The following PPP1R3A variants were observed in gnomAD, a reference collection of about 807,000 sequenced individuals.
PPP1R3A encodes RG1.
A neutral mutation model predicts 41.7 loss-of-function variants in PPP1R3A; 29 were observed. That is an observed-to-expected ratio of 0.70 (90% CI 0.52 to 0.95). The LOEUF (loss-of-function observed/expected upper bound fraction) is 0.95, where lower values mean the gene tolerates loss of function less well. PPP1R3A is among the 40% of genes least tolerant of loss of function. The pLI is 0.00. For missense variants in PPP1R3A, 1,352 were observed against 1,292.4 expected (o/e 1.05, Z -0.71); for synonymous variants, 485 against 453.4 (o/e 1.07, Z -0.89).
chr7:113,883,059 T>C (rs1321761827), intron 1 of PPP1R3A, among the ~76,000 whole-genome samples: 2 of 152,134 alleles, frequency 1.3e-5, no homozygotes, highest in African/African-American at 2.4e-5. Context: ...GACAAATACC[T>C]TTTTCCTTCA....
At chr7:113,900,703 T>C (rs746820732) in intron 1 of PPP1R3A, among the ~76,000 whole-genome samples, 5 of 148,516 alleles carry the variant, frequency 3.4e-5, no homozygotes, top group Non-Finnish European at 7.4e-5. Flanking sequence ...GTGATTTATA[T>C]ATATACAGTG....
chr7:113,906,155 C>G (rs926337427), intron 1 of PPP1R3A, among the ~76,000 whole-genome samples: 1 of 151,738 alleles, frequency 6.6e-6, no homozygotes. Flanking sequence ...CTGAAAGAAA[C>G]CATCTAAATT....
At chr7:113,894,625 GT>G (rs552969983) in intron 1 of PPP1R3A, among the ~76,000 whole-genome samples, 2 of 151,340 alleles carry the variant, frequency 1.3e-5, no homozygotes, top group Non-Finnish European at 3.0e-5. Context: ...TGTCATGTGT[GT>G]TTTTTTTCCT....
intron 1 of PPP1R3A, among the ~76,000 whole-genome samples, chr7:113,891,511 C>A (rs1796888190): frequency 6.6e-6 from 1 of 152,066 alleles, no homozygotes; most frequent in African/African-American, 2.4e-5. Context: ...TAAATATACC[C>A]TTATTATCAG....
chr7:113,906,520 G>C (rs922174926), intron 1 of PPP1R3A, among the ~76,000 whole-genome samples: 3 of 151,610 alleles, frequency 2.0e-5, no homozygotes, highest in Non-Finnish European at 4.4e-5. Context: ...AGGATTGGGG[G>C]ATAAATGTAA....
intron 1 of PPP1R3A, among the ~76,000 whole-genome samples, chr7:113,884,625 T>C (rs1303353150): frequency 1.3e-5 from 2 of 151,924 alleles, no homozygotes; most frequent in Non-Finnish European, 2.9e-5. Flanking sequence ...TATGTGAATA[T>C]CTTCTGGGCC....
intron 3 of PPP1R3A, among the ~76,000 whole-genome samples, chr7:113,881,635 T>A (rs1468430509): frequency 6.6e-6 from 1 of 152,046 alleles, no homozygotes; most frequent in Non-Finnish European, 1.5e-5. Context: ...TGCTGTTACA[T>A]GTGAGAATCA....
At position 113,879,257 on chromosome 7, in the gene PPP1R3A, C is replaced by T. The variant is rs76910192; in HGVS notation, c.1835G>A (p.Gly612Glu). 1.7e-3 allele frequency: 2,687 copies of T among 1,613,576 alleles called. 33 individuals carry two copies. In the African/African-American group the frequency reaches 0.025, roughly 15 times the overall value. Residue 612 changes from glycine (G) to glutamate (E), a missense_variant, in exon 4 of 4, where the codon GGG (glycine) becomes GAG (glutamate). Gly to Glu is a moderately conservative substitution (Grantham distance 98). Transcript: ENST00000284601. ...TGATGAACAAACTTGACCAGTTATC[C>T]CTCCTAAAGCGCTGCCTTCACTAGT... ...HLTSEGSALG[G>E]ITGQVCSSRT...
Position 113,882,023 on chromosome 7 carries a change from C to T in PPP1R3A, c.966+16G>A. 6.2e-7 allele frequency: 1 copy of T among 1,611,746 alleles called. No homozygotes were observed. Among genetic ancestry groups the T allele is most frequent in the South Asian group, 1.1e-5 (1 of 91,000 alleles). Reference sequence around the variant, plus strand: ...GGATTCATCTTCTCTAATACCGTGGCAACCAGAACACTTACCATCAACTCT... The same window carrying T: ...GGATTCATCTTCTCTAATACCGTGGTAACCAGAACACTTACCATCAACTCT... On this transcript the variant is annotated intron_variant, in intron 3 of 3. Coordinates refer to ENST00000284601, the MANE Select transcript of PPP1R3A (RefSeq NM_002711.4).
At chr7:113,880,997 T>A (rs564692250) in intron 3 of PPP1R3A, among the ~76,000 whole-genome samples, 10 of 152,050 alleles carry the variant, frequency 6.6e-5, no homozygotes, top group Non-Finnish European at 1.5e-4. Context: ...CTAAACAAAC[T>A]TTTATATTTG....
intron 3 of PPP1R3A, among the ~76,000 whole-genome samples, chr7:113,881,437 A>T (rs1327187966): frequency 6.6e-6 from 1 of 152,030 alleles, no homozygotes; most frequent in African/African-American, 2.4e-5. Flanking sequence ...CCCCCAAAAA[A>T]TTCCAAATAG....
At chr7:113,895,844 AT>A (rs1394150776) in intron 1 of PPP1R3A, among the ~76,000 whole-genome samples, 1 of 151,950 alleles carries the variant, frequency 6.6e-6, no homozygotes, top group Non-Finnish European at 1.5e-5. Flanking sequence ...TTAAAGCATT[AT>A]TTCTAAATTT....
At chr7:113,885,642 G>A (rs1250097295) in intron 1 of PPP1R3A, among the ~76,000 whole-genome samples, 1 of 151,492 alleles carries the variant, frequency 6.6e-6, no homozygotes, top group Non-Finnish European at 1.5e-5. Flanking sequence ...TCACAAAAAG[G>A]AATATTATAC....
rs1002722930 is a variant in PPP1R3A at position 113,879,030 on chromosome 7, T to C, written c.2062A>G (p.Lys688Glu). 4 of 1,613,532 alleles carry C rather than the reference T, an allele frequency of 2.5e-6. No individual in the cohort carries two copies. Among genetic ancestry groups the C allele is most frequent in the Non-Finnish European group, 3.4e-6 (4 of 1,179,806 alleles). Residue 688 changes from lysine to glutamate, a missense_variant, in exon 4 of 4, where the codon AAA becomes GAA. By Grantham distance (56) the Lys-to-Glu change is moderately conservative (BLOSUM62 1). Coordinates refer to ENST00000284601, the MANE Select transcript of PPP1R3A (RefSeq NM_002711.4). ...GQTDCEDVWGKRDNTRSLKAT... is the reference protein window; with the variant it reads ...GQTDCEDVWGERDNTRSLKAT... ...TTCAAACTCCTCGTATTATCTCTTTTTCCCCACACGTCTTCACAATCTGTT... is the reference window on the plus strand; with the variant it reads ...TTCAAACTCCTCGTATTATCTCTTTCTCCCCACACGTCTTCACAATCTGTT...
At chr7:113,913,813 T>C (rs987816471) in intron 1 of PPP1R3A, among the ~76,000 whole-genome samples, 14 of 152,130 alleles carry the variant, frequency 9.2e-5, no homozygotes, top group Non-Finnish European at 1.6e-4. Flanking sequence ...TTTCATTTTT[T>C]ATCTATGGCT....
intron 1 of PPP1R3A, among the ~76,000 whole-genome samples, chr7:113,912,460 T>C (rs114709419): frequency 6.5e-4 from 99 of 152,104 alleles, no homozygotes; most frequent in African/African-American, 2.3e-3. Flanking sequence ...ATATGTAAAT[T>C]TTAGGCAAGG....
At chr7:113,893,558 G>T (rs554527126) in intron 1 of PPP1R3A, among the ~76,000 whole-genome samples, 2 of 151,778 alleles carry the variant, frequency 1.3e-5, no homozygotes, top group African/African-American at 4.8e-5. Context: ...AAAATACATC[G>T]AATATACCTA....
rs1183500270 is a variant in PPP1R3A, at chr7:113,918,572, A to T, written c.425T>A (p.Ile142Asn). ...STESLLGSTS[I>N]KGIIRVLNVS... ...ATTCAAAACTCGAATAATACCCTTG[A>T]TACTTGTAGACCCAAGAAGAGACTC... is the stretch of plus-strand genomic sequence containing the variant. The change falls in exon 1 of 4, where the codon ATC (isoleucine) becomes AAC (asparagine). Residue 142 changes from isoleucine (I) to asparagine (N), a missense_variant. Physicochemically the swap from Ile to Asn is moderately radical, Grantham distance 149. Coordinates refer to ENST00000284601, the MANE Select transcript of PPP1R3A (RefSeq NM_002711.4). 3 of 1,613,094 alleles carry T rather than the reference A, an allele frequency of 1.9e-6. No individual in the cohort carries two copies. Among genetic ancestry groups the T allele is most frequent in the Non-Finnish European group, 2.5e-6 (3 of 1,179,448 alleles).
intron 1 of PPP1R3A, among the ~76,000 whole-genome samples, chr7:113,912,488 A>G (rs1797267557): frequency 1.3e-5 from 2 of 152,130 alleles, no homozygotes; most frequent in African/African-American, 4.8e-5. Context: ...ATGAGGTGTC[A>G]GATTATAGAG....
Sources: gnomAD v4.1 joint callset for allele counts (sites outside exome capture counted in the v4.1 genomes callset) on GRCh38, gnomAD v4.1.1 for gene constraint, MANE v1.5 for transcripts, NCBI Gene and HGNC (gene_info 2026-07-23, HGNC 2026-07-21) for gene names.